KPNA1: variants seen among roughly 807,000 people sequenced by gnomAD.
KPNA1 encodes importin subunit alpha-5.
A neutral mutation model predicts 70.5 loss-of-function variants in KPNA1; 10 were observed. That is an observed-to-expected ratio of 0.14 (90% confidence interval 0.09 to 0.24). The LOEUF is 0.24. KPNA1 is among the 10% of genes least tolerant of loss of function. The pLI, the probability that KPNA1 is intolerant of heterozygous loss-of-function variation, is 1.00. For missense variants in KPNA1, 397 were observed against 637.9 expected, an observed-to-expected ratio of 0.62 and a Z score of 4.07; for synonymous variants, 192 against 221.9, an observed-to-expected ratio of 0.87 and a Z score of 1.20.
At chr3:122,499,031 T>A (rs1400247844) in intron 1 of KPNA1, among the ~76,000 whole-genome samples, 2 of 152,246 alleles carry the variant, frequency 1.3e-5, no homozygotes, top group African/African-American at 4.8e-5. Flanking sequence ...TGTTCACAAA[T>A]CTAGAAAAAT....
intron 2 of KPNA1, among the ~76,000 whole-genome samples, chr3:122,489,769 T>G (rs1261915051): frequency 6.6e-6 from 1 of 152,224 alleles, no homozygotes; most frequent in Non-Finnish European, 1.5e-5. Context: ...CCAGACAATG[T>G]CAATTTTACC....
intron 9 of KPNA1, among the ~76,000 whole-genome samples, chr3:122,446,828 T>C (rs1262758824): frequency 6.6e-6 from 1 of 151,990 alleles, no homozygotes; most frequent in African/African-American, 2.4e-5. Context: ...TAAAAAATGA[T>C]AAAGGGGATA....
chr3:122,472,392 G>A (rs984365353), intron 2 of KPNA1, among the ~76,000 whole-genome samples: 4 of 152,088 alleles, frequency 2.6e-5, no homozygotes, highest in Non-Finnish European at 4.4e-5. Flanking sequence ...TGAGCTAAAT[G>A]AAAATGAAGA....
At chr3:122,436,342 T>C (rs2075987623) in intron 11 of KPNA1, among the ~76,000 whole-genome samples, 1 of 152,272 alleles carries the variant, frequency 6.6e-6, no homozygotes, top group African/African-American at 2.4e-5. Context: ...TGCCTTGTGA[T>C]ATTTTATTGC....
rs1576266962 is a variant in KPNA1 at position 122,426,886 on chromosome 3, A to C, written c.*99T>G. ...AATGAGCGCAAACAGTATTATGGAA[A>C]ACATTTGAGAAGTTAGCTCCATGAG... On this transcript the variant is annotated 3_prime_UTR_variant, in exon 14 of 14. Coordinates refer to ENST00000344337, the MANE Select transcript of KPNA1 (RefSeq NM_002264.4). The C allele has an allele frequency of 2.1e-6, 2 of 932,140 alleles. No homozygotes were observed. The highest frequency in any genetic ancestry group is 3.3e-6 in the Non-Finnish European group (2 of 610,310). 57.7% of individuals were successfully genotyped at this position (932,140 alleles called of 1,614,324 possible). A position where few individuals can be genotyped will look rare whatever the true frequency, so the allele number is the denominator to read the frequency against.
intron 2 of KPNA1, among the ~76,000 whole-genome samples, chr3:122,476,753 A>G (rs1050522905): frequency 1.7e-4 from 26 of 151,264 alleles, no homozygotes; most frequent in Admixed American, 1.7e-3. Flanking sequence ...CATCAAACAG[A>G]CAAAAGATAA....
chr3:122,472,544 G>A (rs1055758250), intron 2 of KPNA1, among the ~76,000 whole-genome samples: 37 of 151,784 alleles, frequency 2.4e-4, no homozygotes, highest in African/African-American at 4.1e-4. Flanking sequence ...AAGAAGCAGC[G>A]AATTAAATCC....
chr3:122,438,975 A>C (rs1197917049), intron 10 of KPNA1, among the ~76,000 whole-genome samples: 3 of 152,206 alleles, frequency 2.0e-5, no homozygotes, highest in Non-Finnish European at 4.4e-5. Flanking sequence ...GAGGGTTGCT[A>C]TGTGTAAACT....
chr3:122,433,905 T>A, intron 11 of KPNA1, 117 bp from the exon 12 acceptor site: 1 of 782,582 alleles, frequency 1.3e-6, no homozygotes, highest in Non-Finnish European at 2.0e-6. Flanking sequence ...CTGTCAGAAA[T>A]AAATTGAAAA....
intron 2 of KPNA1, among the ~76,000 whole-genome samples, chr3:122,481,414 A>G (rs1352709201): frequency 6.6e-6 from 1 of 152,228 alleles, no homozygotes; most frequent in Non-Finnish European, 1.5e-5. Context: ...AAAGAAACCA[A>G]TCACAAAAGA....
At chr3:122,509,106 C>T (rs1428335794) in intron 1 of KPNA1, among the ~76,000 whole-genome samples, 2 of 151,958 alleles carry the variant, frequency 1.3e-5, no homozygotes, top group East Asian at 3.9e-4. Context: ...ATTAGCCAGG[C>T]GTAGTGGCGG....
At chr3:122,475,405 G>A (rs2076486046) in intron 2 of KPNA1, among the ~76,000 whole-genome samples, 1 of 152,164 alleles carries the variant, frequency 6.6e-6, no homozygotes, top group Non-Finnish European at 1.5e-5. Flanking sequence ...TAGAAGAACA[G>A]TATTAACATG....
chr3:122,458,764 G>C (rs1281069399), intron 5 of KPNA1, among the ~76,000 whole-genome samples: 2 of 152,270 alleles, frequency 1.3e-5, no homozygotes, highest in Middle Eastern at 3.4e-3. Flanking sequence ...CTAATTATTT[G>C]AAAGCATGGT....
intron 2 of KPNA1, among the ~76,000 whole-genome samples, chr3:122,489,957 T>C (rs1257528755): frequency 6.6e-6 from 1 of 152,244 alleles, no homozygotes; most frequent in Non-Finnish European, 1.5e-5. Flanking sequence ...AAGGCTCTCC[T>C]GAATACTCTA....
At chr3:122,451,188 CA>C (rs1347973484) in intron 8 of KPNA1, among the ~76,000 whole-genome samples, 1 of 151,898 alleles carries the variant, frequency 6.6e-6, no homozygotes, top group Non-Finnish European at 1.5e-5. Context: ...ACTCACAGAC[CA>C]CACTTTGAGA....
intron 2 of KPNA1, among the ~76,000 whole-genome samples, chr3:122,480,724 C>T (rs2076561978): frequency 6.6e-6 from 1 of 151,606 alleles, no homozygotes; most frequent in Non-Finnish European, 1.5e-5. Context: ...CAGTGCCTCA[C>T]ACCTGCAACC....
intron 3 of KPNA1, among the ~76,000 whole-genome samples, chr3:122,466,361 G>A (rs559530390): frequency 2.4e-4 from 36 of 151,766 alleles, no homozygotes; most frequent in African/African-American, 7.0e-4. Context: ...GTGGCTAAGC[G>A]GAAGAAAGAT....
intron 3 of KPNA1, among the ~76,000 whole-genome samples, chr3:122,467,121 A>G (rs1347758822): frequency 6.6e-6 from 1 of 152,158 alleles, no homozygotes; most frequent in Non-Finnish European, 1.5e-5. Flanking sequence ...AAGTTTTTAG[A>G]GCAGAATTAA....
intron 12 of KPNA1, among the ~76,000 whole-genome samples, chr3:122,431,601 A>G (rs1363549727): frequency 1.3e-5 from 2 of 152,196 alleles, no homozygotes. Context: ...TTTTTGTGAC[A>G]TTCTTTCAAG....
Sources: gnomAD v4.1 joint callset for allele counts (sites outside exome capture counted in the v4.1 genomes callset) on GRCh38, gnomAD v4.1.1 for gene constraint, MANE v1.5 for transcripts, NCBI Gene and HGNC (gene_info 2026-07-23, HGNC 2026-07-21) for gene names.